PABPC1L: variants seen among roughly 807,000 people sequenced by gnomAD.
The protein encoded by PABPC1L is poly(A) binding protein cytoplasmic 1 like.
Under a neutral mutation model 66.6 loss-of-function variants are expected in PABPC1L, and 31 were observed. The observed-to-expected ratio is 0.47, with a 90% CI of 0.35 to 0.63. The LOEUF is 0.63. Among genes scored for constraint, PABPC1L ranks in the 20% least tolerant of loss-of-function variants. PABPC1L has a pLI of 0.00. For synonymous variants in PABPC1L, 348 were observed against 335.1 expected (o/e 1.04, Z -0.42); for missense variants, 722 against 848.8 (o/e 0.85, Z 1.86).
chr20:44,938,050 G>A lies in PABPC1L; in HGVS notation c.1661-11G>A. ...GGCCGTGCACAAGCCATTAGAAGGT[G>A]TTCCACACAGGGGAGCGTCTCTACC... On this transcript the variant is annotated splice_polypyrimidine_tract_variant and intron_variant, in intron 12 of 14. Transcript: ENST00000217073. The A allele has an allele frequency of 6.2e-7, 1 of 1,614,102 alleles. No individual in the cohort carries two copies. Among genetic ancestry groups the A allele is most frequent in the Non-Finnish European group, 8.5e-7 (1 of 1,180,000 alleles).
chr20:44,922,851 G>A (rs4810444), intron 6 of PABPC1L, among the ~76,000 whole-genome samples: 1,527 of 152,290 alleles, frequency 0.01, 50 homozygotes, highest in Admixed American at 0.075. Flanking sequence ...GGGTGCTACT[G>A]TCATCCACAG....
At chr20:44,923,779 C>T (rs1321130049) in intron 6 of PABPC1L, among the ~76,000 whole-genome samples, 1 of 152,130 alleles carries the variant, frequency 6.6e-6, no homozygotes, top group Non-Finnish European at 1.5e-5. Context: ...CATGGGCCAG[C>T]CAGGGAGGAG....
At chr20:44,930,275 C>A (rs1041762518) in intron 7 of PABPC1L, among the ~76,000 whole-genome samples, 185 bp from the exon 8 acceptor site, 2 of 151,324 alleles carry the variant, frequency 1.3e-5, no homozygotes, top group East Asian at 3.9e-4. Context: ...GCTTGCTAAA[C>A]GGGGGTGCAC....
Position 44,912,569 on chromosome 20 carries a change from T to C in PABPC1L, c.194-91T>C. The C allele has an allele frequency of 2.7e-6, 3 of 1,112,728 alleles. No homozygotes were observed. The South Asian group carries it at 4.8e-5, about 18-fold the overall frequency. 68.9% of individuals were successfully genotyped at this position (1,112,728 alleles called of 1,614,324 possible). On this transcript the variant is annotated intron_variant, in intron 1 of 14. Coordinates refer to ENST00000217073, the MANE Select transcript of PABPC1L (RefSeq NM_001372179.1). ...GACCCAGACAATGACTTTCTCTTTA[T>C]TGGCTCCCAGTTAAGCACCTCGAGG...
intron 12 of PABPC1L, chr20:44,937,013 C>T: frequency 1.8e-6 from 1 of 559,486 alleles, no homozygotes; most frequent in Non-Finnish European, 3.5e-6. Context: ...GATCAGGGGA[C>T]AAAGGGAGGA....
Position 44,939,192 on chromosome 20 carries a change from T to C in PABPC1L, c.*73T>C, listed in dbSNP as rs1308020622. 2.8e-6 allele frequency: 2 copies of C among 717,894 alleles called. No individual in the cohort carries two copies. Among genetic ancestry groups the C allele is most frequent in the Admixed American group, 4.0e-5 (2 of 50,010 alleles). The allele number at this position is 717,894 out of a possible 1,614,324, so 44.5% of individuals were successfully genotyped here. A position where few individuals can be genotyped will look rare whatever the true frequency, so the allele number is the denominator to read the frequency against. The stretch of plus-strand genomic sequence containing the variant: ...TTTCTGGCTCTCAGCCCTAAGGCCC[T>C]GCAAACTCTAACTTATTTCCCAATT... On this transcript the variant is annotated 3_prime_UTR_variant, in exon 15 of 15. Coordinates refer to ENST00000217073, the MANE Select transcript of PABPC1L (RefSeq NM_001372179.1).
At chr20:44,919,412 AG>A (rs2066758636) in intron 5 of PABPC1L, 135 bp downstream of exon 5, 1 of 927,950 alleles carries the variant, frequency 1.1e-6, no homozygotes, top group Non-Finnish European at 1.6e-6. Flanking sequence ...TCCTGTGTGC[AG>A]GCAAAGCCCT....
rs3746581 is a variant in PABPC1L, at chr20:44,930,558, C to T, written c.1071C>T (p.Ile357=). 1.1e-3 allele frequency: 1,735 copies of T among 1,614,276 alleles called. 14 individuals are homozygous for T. In the East Asian group the frequency reaches 0.015, roughly 14 times the overall value. Residue 357 remains isoleucine (I), a synonymous_variant, in exon 8 of 15, where the codon ATC becomes ATT. Transcript: ENST00000217073. ...TKAVTEMNGR[I]VGTKPLYVAL... is the part of the protein sequence containing the mutation. ...CCGTGACAGAGATGAACGGGCGCATCGTGGGCACCAAGCCACTCTACGTGG... is the reference window on the plus strand; with the variant it reads ...CCGTGACAGAGATGAACGGGCGCATTGTGGGCACCAAGCCACTCTACGTGG...
intron 6 of PABPC1L, among the ~76,000 whole-genome samples, chr20:44,923,012 C>G (rs910909529): frequency 6.6e-6 from 1 of 152,222 alleles, no homozygotes; most frequent in African/African-American, 2.4e-5. Flanking sequence ...GCTTTCATAC[C>G]TGCAGAACAA....
Position 44,929,123 on chromosome 20 carries a change from G to A in PABPC1L, c.973-1337G>A, listed in dbSNP as rs145373471. On this transcript the variant is annotated intron_variant, in intron 7 of 14. Transcript: ENST00000217073. The stretch of plus-strand genomic sequence containing the variant: ...ACTTAAAAAAAAAAATTAGCTGGGT[G>A]TGGTGGCATGTACCTATAGCCCTAA... Among the ~76,000 whole-genome samples, 797 of 151,950 alleles carry A rather than the reference G, an allele frequency of 5.2e-3. 5 individuals carry two copies. The highest frequency in any genetic ancestry group is 0.018 in the African/African-American group (751 of 41,456).
chr20:44,912,506 C>T (rs542461914), intron 1 of PABPC1L, among the ~76,000 whole-genome samples, 154 bp from the exon 2 acceptor site: 4 of 152,264 alleles, frequency 2.6e-5, no homozygotes, highest in African/African-American at 7.2e-5. Flanking sequence ...GGGCTCTTAT[C>T]TCAGTTATTT....
intron 1 of PABPC1L, among the ~76,000 whole-genome samples, chr20:44,911,027 A>G (rs539458457): frequency 6.6e-6 from 1 of 152,324 alleles, no homozygotes; most frequent in African/African-American, 2.4e-5. Context: ...CATCTGCAAA[A>G]TGGGGCTAAG....
chr20:44,935,362 TTTTTG>T (rs749198838), intron 10 of PABPC1L, 24 bp from the exon 11 acceptor site: 73 of 1,565,702 alleles, frequency 4.7e-5, no homozygotes, highest in Non-Finnish European at 5.4e-5. Flanking sequence ...AACTCTGCTT[TTTTTG>T]TTTTGTTTTG....
intron 7 of PABPC1L, 117 bp from the exon 8 acceptor site, chr20:44,930,343 C>T: frequency 2.2e-6 from 3 of 1,376,998 alleles, no homozygotes; most frequent in East Asian, 2.3e-5. Flanking sequence ...CCCTCCATCA[C>T]AGCTTTCTCG....
At chr20:44,911,140 A>AAATG (rs1392034764) in intron 1 of PABPC1L, among the ~76,000 whole-genome samples, 1 of 1,116 alleles carries the variant, frequency 9.0e-4, no homozygotes, top group East Asian at 0.019. Context: ...AACCTAAAAT[A>AAATG]AATAAATAAA....
At chr20:44,911,172 AAAT>A (rs1251728296) in intron 1 of PABPC1L, among the ~76,000 whole-genome samples, 1 of 125,032 alleles carries the variant, frequency 8.0e-6, no homozygotes, top group Non-Finnish European at 1.7e-5. Flanking sequence ...ATAAATAAAT[AAAT>A]AAATAAGGCC....
At chr20:44,934,925 G>A (rs935920232) in intron 10 of PABPC1L, among the ~76,000 whole-genome samples, 2 of 152,072 alleles carry the variant, frequency 1.3e-5, no homozygotes, top group Admixed American at 6.6e-5. Flanking sequence ...AAAATTAGCC[G>A]GACGTGGTGG....
chr20:44,932,524 C>A, intron 9 of PABPC1L, 92 bp downstream of exon 9: 1 of 1,178,614 alleles, frequency 8.5e-7, no homozygotes, highest in South Asian at 1.5e-5. Flanking sequence ...CTGGCTCTGC[C>A]ACTTCCCAAG....
rs1198235931 is a variant in PABPC1L, at chr20:44,931,016, C to T, written c.1239+290C>T. 8.6e-3 allele frequency among the ~76,000 whole-genome samples: 421 copies of T among 49,112 alleles called. 7 individuals carry two copies. Among genetic ancestry groups the T allele is most frequent in the African/African-American group, 0.03 (407 of 13,422 alleles). The allele number at this position is 49,112 out of a possible 152,430, so 32.2% of individuals were successfully genotyped here. ...TACATTTTTCCTTCCTCCCTTCCTTCCCTTCCCTCCCTTCCCTCCCTTCCC... is the reference window on the plus strand; with the variant it reads ...TACATTTTTCCTTCCTCCCTTCCTTTCCTTCCCTCCCTTCCCTCCCTTCCC... On this transcript the variant is annotated intron_variant, in intron 8 of 14. Coordinates refer to ENST00000217073, the MANE Select transcript of PABPC1L (RefSeq NM_001372179.1).
Sources: allele counts gnomAD v4.1 joint callset (sites outside exome capture counted in the v4.1 genomes callset), GRCh38; gene constraint gnomAD v4.1.1; transcripts MANE v1.5; gene names NCBI Gene and HGNC (gene_info 2026-07-23, HGNC 2026-07-21).